Variants in STX8 observed in about 807,000 individuals in gnomAD.
STX8 encodes syntaxin-8.
STX8 carries 23 observed loss-of-function variants against 37.5 expected under a neutral mutation model. The observed-to-expected ratio is 0.61, with a 90% CI of 0.44 to 0.87. The LOEUF (loss-of-function observed/expected upper bound fraction) is 0.87, where lower values mean the gene tolerates loss of function less well. Ranked by LOEUF, STX8 falls within the 40% of genes least tolerant of loss-of-function variation. STX8 has a pLI of 0.00. For synonymous variants in STX8, 115 were observed against 99.1 expected (o/e 1.16, Z -0.95); for missense variants, 313 against 284.7 (o/e 1.10, Z -0.71).
At chr17:9,418,806 G>A (rs553280572) in intron 6 of STX8, among the ~76,000 whole-genome samples, 16 of 112,726 alleles carry the variant, frequency 1.4e-4, no homozygotes, top group African/African-American at 4.8e-4. Context: ...TAGCCTGGGC[G>A]ACAGAGCAAG....
intron 3 of STX8, among the ~76,000 whole-genome samples, chr17:9,549,022 AATCCCTTTAT>A (rs2142577542): frequency 6.6e-6 from 1 of 152,324 alleles, no homozygotes; most frequent in South Asian, 2.1e-4. Flanking sequence ...TGTATAATAT[AATCCCTTTAT>A]AGTCAAAGGA....
intron 1 of STX8, 58 bp downstream of exon 1, chr17:9,575,734 G>C: frequency 6.5e-7 from 1 of 1,541,882 alleles, no homozygotes; most frequent in Non-Finnish European, 8.8e-7. Context: ...CCTGCTCTCC[G>C]GAAGCCCGGC....
chr17:9,255,562 ATAAATAAAT>A (rs1906763830), intron 7 of STX8, among the ~76,000 whole-genome samples: 1 of 139,898 alleles, frequency 7.1e-6, no homozygotes, highest in African/African-American at 3.0e-5. Flanking sequence ...AAATATATAA[ATAAATAAAT>A]AAATAAATAA....
intron 7 of STX8, among the ~76,000 whole-genome samples, chr17:9,323,179 G>A (rs1304620387): frequency 1.3e-5 from 2 of 152,082 alleles, no homozygotes; most frequent in Non-Finnish European, 2.9e-5. Context: ...CATGAATTTT[G>A]TGAGCTAAAT....
rs902010854 is a variant in STX8 at position 9,286,187 on chromosome 17, A to G, written c.644-35542T>C. Reference sequence around the variant, plus strand: ...CTCTTGATTTCAAACCCCTGCCCACATGGCTCAAATTTGCAACTTAAATAT... The same window carrying G: ...CTCTTGATTTCAAACCCCTGCCCACGTGGCTCAAATTTGCAACTTAAATAT... On this transcript the variant is annotated intron_variant, in intron 7 of 7. Coordinates refer to ENST00000306357, the MANE Select transcript of STX8 (RefSeq NM_004853.3). Among the ~76,000 whole-genome samples, 5 of 152,304 alleles carry G rather than the reference A, an allele frequency of 3.3e-5. 1 individual carries two copies. In the South Asian group the frequency reaches 1.0e-3, roughly 32 times the overall value.
intron 6 of STX8, among the ~76,000 whole-genome samples, chr17:9,470,756 T>C (rs2142436594): frequency 6.6e-6 from 1 of 152,228 alleles, no homozygotes; most frequent in South Asian, 2.1e-4. Context: ...AGACAGAGTC[T>C]CACTCTGTCT....
intron 7 of STX8, among the ~76,000 whole-genome samples, chr17:9,258,210 T>A (rs55798347): frequency 0.51 from 77,978 of 152,000 alleles, 20,822 homozygotes; most frequent in Non-Finnish European, 0.6. Context: ...AGTCTCACTG[T>A]TCAAACAGAC....
chr17:9,536,781 T>C (rs1380765480), intron 4 of STX8, among the ~76,000 whole-genome samples: 1 of 151,912 alleles, frequency 6.6e-6, no homozygotes, highest in Non-Finnish European at 1.5e-5. Flanking sequence ...TTCACTCTTG[T>C]TGCCCAAGCT....
intron 7 of STX8, among the ~76,000 whole-genome samples, chr17:9,317,438 G>A (rs890235295): frequency 6.6e-6 from 1 of 152,128 alleles, no homozygotes; most frequent in African/African-American, 2.4e-5. Context: ...ATAAAACCGC[G>A]CCAGGCAAAT....
At chr17:9,438,955 A>AC (rs1426138548) in intron 6 of STX8, among the ~76,000 whole-genome samples, 1 of 152,038 alleles carries the variant, frequency 6.6e-6, no homozygotes, top group African/African-American at 2.4e-5. Flanking sequence ...ACAACAAAAA[A>AC]AACCATAGTC....
chr17:9,279,031 T>C (rs2142149312), intron 7 of STX8, among the ~76,000 whole-genome samples: 1 of 151,884 alleles, frequency 6.6e-6, no homozygotes, highest in South Asian at 2.1e-4. Flanking sequence ...TTACTATTAT[T>C]GTCATTATTA....
intron 7 of STX8, among the ~76,000 whole-genome samples, chr17:9,259,733 G>C (rs1187110732): frequency 6.6e-6 from 1 of 152,174 alleles, no homozygotes; most frequent in African/African-American, 2.4e-5. Context: ...GTGGAGGTCA[G>C]AGCAGGGGTC....
chr17:9,283,989 C>T (rs763543194), intron 7 of STX8, among the ~76,000 whole-genome samples: 5 of 152,030 alleles, frequency 3.3e-5, no homozygotes, highest in Non-Finnish European at 5.9e-5. Flanking sequence ...CTTTTTTATT[C>T]TAAAGTAGGC....
chr17:9,362,569 A>G (rs1220818512), intron 7 of STX8, among the ~76,000 whole-genome samples: 1 of 152,024 alleles, frequency 6.6e-6, no homozygotes, highest in Admixed American at 6.6e-5. Flanking sequence ...CTATAATCCC[A>G]GTACTTTGGG....
In STX8 at chr17:9,560,489, A is replaced by G. The variant is rs1177705560; in HGVS notation, c.118-2961T>C. Among the ~76,000 whole-genome samples, 3 of 152,084 alleles carry G rather than the reference A, an allele frequency of 2.0e-5. No homozygotes were observed. In the South Asian group the frequency reaches 6.2e-4, roughly 32 times the overall value. ...AAGGGCATTCCTAAATTTAAGTAAT[A>G]CCTAGGGAGAGTTTTTTAAATTGTT... On this transcript the variant is annotated intron_variant, in intron 2 of 7. Transcript: ENST00000306357.
intron 4 of STX8, among the ~76,000 whole-genome samples, chr17:9,542,926 A>G (rs529564680): frequency 2.0e-4 from 31 of 152,260 alleles, no homozygotes; most frequent in African/African-American, 7.2e-4. Flanking sequence ...GGGGTGACAA[A>G]GGCAGGCAAG....
intron 3 of STX8, 112 bp downstream of exon 3, chr17:9,557,322 G>T: frequency 1.3e-6 from 1 of 788,818 alleles, no homozygotes; most frequent in Non-Finnish European, 2.1e-6. Context: ...TTGGAAACCA[G>T]GTCTTCCTCA....
chr17:9,287,985 T>C (rs912345196), intron 7 of STX8, among the ~76,000 whole-genome samples: 3 of 149,992 alleles, frequency 2.0e-5, no homozygotes, highest in African/African-American at 7.4e-5. Flanking sequence ...CTTGACCTTG[T>C]GATCCACCCG....
intron 6 of STX8, among the ~76,000 whole-genome samples, chr17:9,445,387 G>A (rs1409564136): frequency 6.6e-6 from 1 of 151,330 alleles, no homozygotes; most frequent in Admixed American, 6.6e-5. Context: ...CAAATGAAAA[G>A]GTACAGCTTG....
Sources: allele counts gnomAD v4.1 joint callset (sites outside exome capture counted in the v4.1 genomes callset), GRCh38; gene constraint gnomAD v4.1.1; transcripts MANE v1.5; gene names NCBI Gene and HGNC (gene_info 2026-07-23, HGNC 2026-07-21).